POLN: variants seen among roughly 807,000 people sequenced by gnomAD.
The protein encoded by POLN is DNA polymerase N.
Under a neutral mutation model 113.5 loss-of-function variants are expected in POLN, and 108 were observed. The observed-to-expected ratio is 0.95, with a 90% CI of 0.81 to 1.12. The LOEUF (loss-of-function observed/expected upper bound fraction) is 1.12, where lower values mean the gene tolerates loss of function less well. POLN is among the 50% of genes most tolerant of loss of function. POLN has a pLI of 0.00. For synonymous variants in POLN, 386 were observed against 391.5 expected (o/e 0.99, Z 0.17); for missense variants, 1,097 against 1,077.1 (o/e 1.02, Z -0.26).
chr4:2,131,946 C>T (rs568606485), intron 16 of POLN, among the ~76,000 whole-genome samples: 43 of 152,256 alleles, frequency 2.8e-4, no homozygotes, highest in African/African-American at 9.6e-4. Context: ...ACAATAATAC[C>T]CTGCTTTGTC....
At chr4:2,161,241 G>A (rs1474988409) in intron 13 of POLN, among the ~76,000 whole-genome samples, 1 of 152,256 alleles carries the variant, frequency 6.6e-6, no homozygotes, top group Non-Finnish European at 1.5e-5. Context: ...GCGGGAGCCG[G>A]CTCCCTCAGC....
At chr4:2,202,404 GACAA>G (rs1219096738) in intron 5 of POLN, among the ~76,000 whole-genome samples, 5 of 152,124 alleles carry the variant, frequency 3.3e-5, no homozygotes, top group Admixed American at 2.6e-4. Context: ...TCTGATATCA[GACAA>G]ACAAACTTTA....
intron 3 of POLN, among the ~76,000 whole-genome samples, chr4:2,219,006 A>G (rs911986780): frequency 2.0e-5 from 3 of 152,168 alleles, no homozygotes; most frequent in African/African-American, 7.2e-5. Flanking sequence ...TGCTATACTA[A>G]TTCACTATCT....
At chr4:2,072,416 T>C (rs892873989) in intron 25 of POLN, 117 bp from the exon 26 acceptor site, 1 of 863,520 alleles carries the variant, frequency 1.2e-6, no homozygotes, top group Non-Finnish European at 1.7e-6. Flanking sequence ...TCCAGATACA[T>C]GATCAGACAG....
intron 16 of POLN, among the ~76,000 whole-genome samples, chr4:2,133,161 A>AAAAAT: frequency 6.7e-6 from 1 of 149,412 alleles, no homozygotes; most frequent in African/African-American, 2.4e-5. Flanking sequence ...AAAAAAAAAA[A>AAAAAT]AATAACATGC....
chr4:2,131,493 T>G (rs774817024), intron 16 of POLN, among the ~76,000 whole-genome samples: 1 of 152,226 alleles, frequency 6.6e-6, no homozygotes, highest in African/African-American at 2.4e-5. Flanking sequence ...CTTAGCAGAT[T>G]TGAGAACAAT....
At chr4:2,145,800 A>G (rs1561037409) in intron 16 of POLN, among the ~76,000 whole-genome samples, 1 of 152,150 alleles carries the variant, frequency 6.6e-6, no homozygotes, top group Non-Finnish European at 1.5e-5. Flanking sequence ...GGTGCTAGAG[A>G]AACCCTCGCA....
At chr4:2,204,109 C>CAAAAAAAAAAAAAAA (rs566255148) in intron 5 of POLN, among the ~76,000 whole-genome samples, 23 of 53,236 alleles carry the variant, frequency 4.3e-4, no homozygotes, top group African/African-American at 8.6e-4. Flanking sequence ...AACTCTATCA[C>CAAAAAAAAAAAAAAA]AAAAAAAAAA....
At chr4:2,177,625 A>C (rs922990835) in intron 8 of POLN, among the ~76,000 whole-genome samples, 2 of 152,238 alleles carry the variant, frequency 1.3e-5, no homozygotes, top group African/African-American at 4.8e-5. Context: ...ACCCTGGGCA[A>C]GGCACATGTA....
chr4:2,180,778 T>C (rs2108751378), intron 7 of POLN, among the ~76,000 whole-genome samples: 1 of 152,322 alleles, frequency 6.6e-6, no homozygotes, highest in South Asian at 2.1e-4. Context: ...TGGGAGATGG[T>C]CCCTATAATC....
At chr4:2,075,357 C>T in intron 24 of POLN, 95 bp downstream of exon 24, 1 of 1,348,430 alleles carries the variant, frequency 7.4e-7, no homozygotes, top group Non-Finnish European at 1.0e-6. Flanking sequence ...AAAGGGAAGA[C>T]AGCTGAGGGG....
At chr4:2,232,676 T>C (rs976466822) in intron 2 of POLN, among the ~76,000 whole-genome samples, 2 of 140,738 alleles carry the variant, frequency 1.4e-5, no homozygotes, top group Non-Finnish European at 2.9e-5. Context: ...GAATTACACA[T>C]GACATTCCAC....
At chr4:2,120,895 T>A (rs1047882111) in intron 19 of POLN, among the ~76,000 whole-genome samples, 1 of 152,248 alleles carries the variant, frequency 6.6e-6, no homozygotes, top group South Asian at 2.1e-4. Context: ...GAGCTGATTT[T>A]AGGTCTTGCA....
chr4:2,152,643 A>C (rs1420728523), intron 16 of POLN, among the ~76,000 whole-genome samples: 1 of 152,086 alleles, frequency 6.6e-6, no homozygotes, highest in Non-Finnish European at 1.5e-5. Flanking sequence ...TGGCATTATC[A>C]TGTAACCTAC....
At chr4:2,102,144 C>A (rs1430681157) in intron 19 of POLN, among the ~76,000 whole-genome samples, 1 of 152,102 alleles carries the variant, frequency 6.6e-6, no homozygotes, top group Non-Finnish European at 1.5e-5. Context: ...GATTGCCATG[C>A]CCTCCCTAGC....
At chr4:2,222,471 A>C (rs1315630656) in intron 3 of POLN, among the ~76,000 whole-genome samples, 2 of 152,184 alleles carry the variant, frequency 1.3e-5, no homozygotes, top group Non-Finnish European at 2.9e-5. Context: ...CCGGAGGCGG[A>C]GGTTAAAGTG....
intron 8 of POLN, among the ~76,000 whole-genome samples, chr4:2,177,652 C>T (rs888405400): frequency 2.0e-5 from 3 of 152,230 alleles, no homozygotes; most frequent in Non-Finnish European, 4.4e-5. Flanking sequence ...CCTTTCTATA[C>T]CTCAGTTTTC....
intron 3 of POLN, among the ~76,000 whole-genome samples, chr4:2,222,144 G>A (rs1275536727): frequency 2.6e-5 from 4 of 152,070 alleles, no homozygotes; most frequent in African/African-American, 7.2e-5. Flanking sequence ...AAACTGGTCC[G>A]ATACTCAAGA....
intron 2 of POLN, chr4:2,236,167 A>G (rs993663842): frequency 2.8e-5 from 27 of 969,884 alleles, no homozygotes; most frequent in Non-Finnish European, 4.1e-5. Flanking sequence ...ATTTTCTTTA[A>G]TATCTTTTAC....
Sources: gnomAD v4.1 joint callset for allele counts (sites outside exome capture counted in the v4.1 genomes callset) on GRCh38, gnomAD v4.1.1 for gene constraint, MANE v1.5 for transcripts, NCBI Gene and HGNC (gene_info 2026-07-23, HGNC 2026-07-21) for gene names.